The following ROBO2 variants were observed in gnomAD, a reference collection of about 807,000 sequenced individuals.
The protein encoded by ROBO2 is roundabout homolog 2.
A neutral mutation model predicts 160.8 loss-of-function variants in ROBO2; 53 were observed. That is an observed-to-expected ratio of 0.33 (90% CI 0.26 to 0.41). ROBO2 has a LOEUF of 0.41. Among genes scored for constraint, ROBO2 ranks in the 10% least tolerant of loss-of-function variants. The probability of loss-of-function intolerance (pLI) is 1.00; values close to 1 mark genes in which losing one functional copy is unlikely to be tolerated. For missense variants in ROBO2, 1,577 were observed against 1,722.4 expected, an observed-to-expected ratio of 0.92 and a Z score of 1.49; for synonymous variants, 664 against 611.7, an observed-to-expected ratio of 1.09 and a Z score of -1.26.
chr3:77,043,911 G>A (rs563993716), intron 1 of ROBO2, among the ~76,000 whole-genome samples: 1 of 152,224 alleles, frequency 6.6e-6, no homozygotes. Flanking sequence ...TAATGTATGT[G>A]CATAGTGCAG....
intron 3 of ROBO2, among the ~76,000 whole-genome samples, chr3:77,479,383 G>T (rs148296560): frequency 8.6e-4 from 131 of 152,236 alleles, no homozygotes; most frequent in African/African-American, 3.0e-3. Context: ...TCTTTTGGAA[G>T]AACTTTTCTC....
intron 2 of ROBO2, among the ~76,000 whole-genome samples, chr3:76,749,933 C>T (rs531974031): frequency 6.6e-6 from 1 of 152,192 alleles, no homozygotes; most frequent in South Asian, 2.1e-4. Context: ...GGGAATCCTC[C>T]CTAACTCATT....
intron 2 of ROBO2, among the ~76,000 whole-genome samples, chr3:77,102,749 C>T (rs984158642): frequency 7.3e-5 from 11 of 150,782 alleles, no homozygotes; most frequent in African/African-American, 2.7e-4. Context: ...ATACATGCTT[C>T]ACCTTTATGT....
chr3:77,637,035 A>G (rs1553710794), intron 24 of ROBO2, among the ~76,000 whole-genome samples: 1 of 152,228 alleles, frequency 6.6e-6, no homozygotes, highest in Non-Finnish European at 1.5e-5. Context: ...CACAAACATT[A>G]TCCTAACATA....
rs371889909 is a variant in ROBO2, at chr3:76,961,247, G to GAAA, written c.110-136748_110-136746dup. On this transcript the variant is annotated intron_variant, in intron 2 of 26. Coordinates refer to the ROBO2 transcript ENST00000487694. Reference sequence around the variant, plus strand: ...ATTTGCTATGCTAATGTGCCACAGAGAAAAAAAAAAAAAAAAAAAAACACT... The same window carrying GAAA: ...ATTTGCTATGCTAATGTGCCACAGAGAAAAAAAAAAAAAAAAAAAAAAAACACT... 7.3e-3 allele frequency among the ~76,000 whole-genome samples: 394 copies of GAAA among 54,056 alleles called. 2 individuals carry two copies. The highest frequency in any genetic ancestry group is 0.012 in the Middle Eastern group (1 of 84). The allele number at this position is 54,056 out of a possible 152,430, so 35.5% of individuals were successfully genotyped here. A position where few individuals can be genotyped will look rare whatever the true frequency, so the allele number is the denominator to read the frequency against.
chr3:77,262,825 C>T (rs529564236), intron 2 of ROBO2, among the ~76,000 whole-genome samples: 1 of 152,152 alleles, frequency 6.6e-6, no homozygotes, highest in East Asian at 1.9e-4. Flanking sequence ...TACAGGAAGT[C>T]TGAGACAGCA....
intron 6 of ROBO2, among the ~76,000 whole-genome samples, chr3:77,539,075 G>A (rs1223023678): frequency 2.0e-5 from 3 of 152,062 alleles, no homozygotes; most frequent in Non-Finnish European, 1.5e-5. Context: ...ACCCTGCCAC[G>A]CCCAGCTAAT....
At position 77,583,371 on chromosome 3, in the gene ROBO2, T is replaced by G. The variant is rs571854045; in HGVS notation, c.2500+3253T>G. On this transcript the variant is annotated intron_variant, in intron 16 of 25. Transcript: ENST00000461745. ...TGAGATCACAGCCCTACTCTTTTCT[T>G]TCACATATTTTGCCTAGTCTTCTAC... Among the ~76,000 whole-genome samples the G allele has an allele frequency of 9.2e-5, 14 of 151,890 alleles. No homozygotes were observed. The East Asian group carries it at 1.8e-3, about 19-fold the overall frequency.
intron 2 of ROBO2, among the ~76,000 whole-genome samples, chr3:76,437,747 A>C (rs2076750523): frequency 6.6e-6 from 1 of 152,136 alleles, no homozygotes; most frequent in Non-Finnish European, 1.5e-5. Context: ...AATAATGAAA[A>C]AAGAAGACAA....
chr3:76,568,422 C>G (rs1207608427), intron 2 of ROBO2, among the ~76,000 whole-genome samples: 2 of 151,786 alleles, frequency 1.3e-5, no homozygotes, highest in East Asian at 3.9e-4. Context: ...CTCAACCTCC[C>G]GAGTAGCTGG....
chr3:77,332,953 C>T (rs2066129813), intron 2 of ROBO2, among the ~76,000 whole-genome samples: 1 of 152,194 alleles, frequency 6.6e-6, no homozygotes, highest in Admixed American at 6.5e-5. Flanking sequence ...TGCGCTTCCT[C>T]ACTCTAAGCA....
At chr3:76,931,805 C>T (rs996499879) in intron 2 of ROBO2, among the ~76,000 whole-genome samples, 5 of 152,010 alleles carry the variant, frequency 3.3e-5, no homozygotes, top group East Asian at 1.9e-4. Context: ...CCTCAGTCTC[C>T]GAGAACCTGG....
At chr3:76,264,592 A>G (rs934087065) in intron 2 of ROBO2, among the ~76,000 whole-genome samples, 1 of 152,138 alleles carries the variant, frequency 6.6e-6, no homozygotes, top group East Asian at 1.9e-4. Flanking sequence ...CATTGTCACA[A>G]CTTGATGAAA....
intron 2 of ROBO2, among the ~76,000 whole-genome samples, chr3:76,176,206 G>A (rs1338534992): frequency 5.3e-5 from 8 of 151,936 alleles, no homozygotes; most frequent in Non-Finnish European, 1.0e-4. Context: ...GTTCCTCCAT[G>A]CAAGCCCATC....
intron 2 of ROBO2, among the ~76,000 whole-genome samples, chr3:76,266,937 A>G (rs985015420): frequency 2.0e-5 from 3 of 152,212 alleles, no homozygotes; most frequent in African/African-American, 7.2e-5. Flanking sequence ...TGTGCATTCA[A>G]TTAGATATTT....
At chr3:77,251,640 A>AT (rs1351695515) in intron 2 of ROBO2, among the ~76,000 whole-genome samples, 1 of 152,144 alleles carries the variant, frequency 6.6e-6, no homozygotes, top group African/African-American at 2.4e-5. Context: ...CTCACCTTGA[A>AT]TTGTAGCTCC....
At chr3:77,249,153 A>G (rs747565299) in intron 2 of ROBO2, among the ~76,000 whole-genome samples, 4 of 152,144 alleles carry the variant, frequency 2.6e-5, no homozygotes, top group Non-Finnish European at 4.4e-5. Context: ...CCCTGCCCAC[A>G]TTTTTGTTTT....
At chr3:76,227,958 A>G (rs1301664911) in intron 2 of ROBO2, among the ~76,000 whole-genome samples, 2 of 152,228 alleles carry the variant, frequency 1.3e-5, no homozygotes, top group Admixed American at 1.3e-4. Context: ...TTTTGATAAT[A>G]TGCCTAATAT....
At chr3:76,173,688 G>A (rs2073124579) in intron 2 of ROBO2, among the ~76,000 whole-genome samples, 1 of 152,050 alleles carries the variant, frequency 6.6e-6, no homozygotes, top group South Asian at 2.1e-4. Context: ...AAAAGGACAT[G>A]AGCTCATTCT....
Sources: gnomAD v4.1 joint callset for allele counts (sites outside exome capture counted in the v4.1 genomes callset) on GRCh38, gnomAD v4.1.1 for gene constraint, MANE v1.5 for transcripts, NCBI Gene and HGNC (gene_info 2026-07-23, HGNC 2026-07-21) for gene names.